The following GRAP2 variants were observed in gnomAD, a reference collection of about 807,000 sequenced individuals.
The protein encoded by GRAP2 is GRB2 related adaptor protein 2, also known as GRB2-related adapter protein 2.
A neutral mutation model predicts 43.5 loss-of-function variants in GRAP2; 31 were observed. The ratio of observed to expected loss-of-function variants is 0.71; its 90% confidence interval spans 0.54 to 0.96. The LOEUF (loss-of-function observed/expected upper bound fraction) is 0.96, where lower values mean the gene tolerates loss of function less well. Among genes scored for constraint, GRAP2 ranks in the 40% least tolerant of loss-of-function variants. The pLI, the probability that GRAP2 is intolerant of heterozygous loss-of-function variation, is 0.00. For synonymous variants in GRAP2, 156 were observed against 164.8 expected (o/e 0.95, Z 0.41); for missense variants, 371 against 424.4 (o/e 0.87, Z 1.11).
chr22:39,930,106 G>A (rs1176167310), intron 1 of GRAP2, among the ~76,000 whole-genome samples: 4 of 152,152 alleles, frequency 2.6e-5, no homozygotes, highest in Admixed American at 2.0e-4. Context: ...TGGACATATT[G>A]GGTTAAATAA....
intron 1 of GRAP2, among the ~76,000 whole-genome samples, chr22:39,928,264 A>G (rs1319352623): frequency 1.3e-5 from 2 of 152,166 alleles, no homozygotes; most frequent in Non-Finnish European, 2.9e-5. Flanking sequence ...AATTCATTCC[A>G]TGTTTACCCA....
chr22:39,949,102 A>G (rs1375085627), intron 2 of GRAP2, among the ~76,000 whole-genome samples: 1 of 152,034 alleles, frequency 6.6e-6, no homozygotes, highest in Non-Finnish European at 1.5e-5. Context: ...ATGTCCCCAC[A>G]TGAACTCCAG....
At chr22:39,937,555 C>G (rs1186665182) in intron 1 of GRAP2, among the ~76,000 whole-genome samples, 8 of 152,166 alleles carry the variant, frequency 5.3e-5, no homozygotes, top group Admixed American at 5.2e-4. Flanking sequence ...TTTGTAGAAA[C>G]AGTTTTGGAT....
At position 39,938,369 on chromosome 22, in the gene GRAP2, C is replaced by T. The variant is rs372160297; in HGVS notation, c.-14-8724C>T. On this transcript the variant is annotated intron_variant, in intron 1 of 7. Coordinates refer to ENST00000344138, the MANE Select transcript of GRAP2 (RefSeq NM_004810.4). ...ACTCTCCAGTTGTGTAAAGTGTGTC[C>T]ATACGTCTGAAAAATACCGTATTTA... Among the ~76,000 whole-genome samples the T allele has an allele frequency of 7.9e-5, 12 of 152,322 alleles. No individual in the cohort carries two copies. In the East Asian group the frequency reaches 1.9e-3, roughly 24 times the overall value.
intron 1 of GRAP2, among the ~76,000 whole-genome samples, chr22:39,919,450 TATTTA>T (rs1289871585): frequency 5.3e-5 from 8 of 152,238 alleles, no homozygotes; most frequent in Non-Finnish European, 1.2e-4. Context: ...TTTTTTATTT[TATTTA>T]GAGTCATTGT....
At chr22:39,960,730 G>A (rs994337636) in intron 4 of GRAP2, 1 of 153,230 alleles carries the variant, frequency 6.5e-6, no homozygotes, top group African/African-American at 2.4e-5. Flanking sequence ...ACTCCTACAA[G>A]ACAGGTTAAC....
intron 1 of GRAP2, among the ~76,000 whole-genome samples, chr22:39,914,996 C>T (rs1175082422): frequency 6.6e-6 from 1 of 151,786 alleles, no homozygotes. Context: ...GAAGACCAGC[C>T]TGGCCAACAT....
chr22:39,968,299 A>G (rs2067197083), intron 6 of GRAP2, 27 bp downstream of exon 6: 1 of 1,604,278 alleles, frequency 6.2e-7, no homozygotes, highest in Non-Finnish European at 8.5e-7. Flanking sequence ...CAGTGGGCAC[A>G]GTACGGTGGA....
At chr22:39,939,739 T>A (rs1264733363) in intron 1 of GRAP2, among the ~76,000 whole-genome samples, 1 of 151,962 alleles carries the variant, frequency 6.6e-6, no homozygotes, top group East Asian at 1.9e-4. Flanking sequence ...CGAAACCCCA[T>A]CTCTACTAAA....
At chr22:39,900,901 A>C (rs2066488475), upstream of GRAP2, among the ~76,000 whole-genome samples, 1 of 152,240 alleles carries the variant, frequency 6.6e-6, no homozygotes, top group South Asian at 2.1e-4. Flanking sequence ...TCTTATGTGA[A>C]CACAAGTGTT....
At chr22:39,940,190 A>T (rs956047528) in intron 1 of GRAP2, among the ~76,000 whole-genome samples, 1 of 152,224 alleles carries the variant, frequency 6.6e-6, no homozygotes, top group Admixed American at 6.5e-5. Context: ...CAGTAAAGGA[A>T]TATGTAAGCC....
intron 3 of GRAP2, among the ~76,000 whole-genome samples, chr22:39,956,358 A>G (rs901847296): frequency 4.6e-5 from 7 of 151,870 alleles, no homozygotes; most frequent in Non-Finnish European, 7.4e-5. Context: ...GGGTTTTACC[A>G]TGTTGGCCAG....
At chr22:39,957,809 G>A (rs576822658) in intron 3 of GRAP2, among the ~76,000 whole-genome samples, 4 of 151,924 alleles carry the variant, frequency 2.6e-5, no homozygotes, top group Non-Finnish European at 5.9e-5. Context: ...GGTGGCATGC[G>A]CCTATAGTCC....
intron 1 of GRAP2, among the ~76,000 whole-genome samples, chr22:39,931,368 A>T: frequency 6.6e-6 from 1 of 152,168 alleles, no homozygotes; most frequent in Admixed American, 6.5e-5. Context: ...AAGAGAGAAG[A>T]TCATTCAAAC....
Position 39,960,162 on chromosome 22 carries a change from C to G in GRAP2, c.278C>G (p.Ser93Cys). The change falls in exon 4 of 8, where the codon TCC (serine) becomes TGC (cysteine). Residue 93 changes from serine to cysteine, a missense_variant. Transcript: ENST00000344138. ...RASQSSPGDF[S>C]ISVRHEDDVQ... ...AGCCAGAGCTCCCCAGGGGACTTCT[C>G]CATCTCTGTCAGGTACTGACCATTC... The G allele has an allele frequency of 6.2e-7, 1 of 1,613,718 alleles. No individual in the cohort carries two copies. Among genetic ancestry groups the G allele is most frequent in the Non-Finnish European group, 8.5e-7 (1 of 1,179,564 alleles).
intron 1 of GRAP2, among the ~76,000 whole-genome samples, chr22:39,920,489 G>A (rs1375548575): frequency 6.6e-6 from 1 of 152,154 alleles, no homozygotes; most frequent in East Asian, 1.9e-4. Context: ...CAGCCTCCAG[G>A]CCTCCTGCAG....
At chr22:39,903,426 G>C (rs146715224) in intron 1 of GRAP2, among the ~76,000 whole-genome samples, 5 of 150,012 alleles carry the variant, frequency 3.3e-5, no homozygotes, top group Admixed American at 6.7e-5. Flanking sequence ...GAGGTGGGCA[G>C]ATCTCCAAAA....
chr22:39,933,910 TCAAG>T (rs1264698174), intron 1 of GRAP2, among the ~76,000 whole-genome samples: 1 of 151,402 alleles, frequency 6.6e-6, no homozygotes, highest in Non-Finnish European at 1.5e-5. Flanking sequence ...CTTTGCTCTG[TCAAG>T]CAAGGAGAAT....
rs191574158 is a variant in GRAP2, at chr22:39,962,964, C to T, written c.290+2790C>T. ...GATTACAGGCGCGACCCACTGTGCC[C>T]GGACCCAGAACTATGGTTTATATTT... is the stretch of plus-strand genomic sequence containing the variant. On this transcript the variant is annotated intron_variant, in intron 4 of 7. Transcript: ENST00000344138. Among the ~76,000 whole-genome samples the T allele has an allele frequency of 8.5e-5, 13 of 152,186 alleles. No homozygotes were observed. In the East Asian group the frequency reaches 1.7e-3, roughly 20 times the overall value.
Sources: gnomAD v4.1 joint callset for allele counts (sites outside exome capture counted in the v4.1 genomes callset) on GRCh38, gnomAD v4.1.1 for gene constraint, MANE v1.5 for transcripts, NCBI Gene and HGNC (gene_info 2026-07-23, HGNC 2026-07-21) for gene names.